Variants in HERC4 observed in about 807,000 individuals in gnomAD.
The protein encoded by HERC4 is probable E3 ubiquitin-protein ligase HERC4.
HERC4 carries 28 observed loss-of-function variants against 124.3 expected under a neutral mutation model. The observed-to-expected ratio is 0.23, with a 90% CI of 0.17 to 0.31. HERC4 has a LOEUF of 0.31. Ranked by LOEUF, HERC4 falls within the 10% of genes least tolerant of loss-of-function variation. The pLI, the probability that HERC4 is intolerant of heterozygous loss-of-function variation, is 1.00. For synonymous variants in HERC4, 407 were observed against 421.5 expected, an observed-to-expected ratio of 0.97 and a Z score of 0.42; for missense variants, 713 against 1,229.3, an observed-to-expected ratio of 0.58 and a Z score of 6.28.
intron 9 of HERC4, among the ~76,000 whole-genome samples, chr10:68,001,720 G>T (rs372337559): frequency 8.5e-5 from 13 of 152,092 alleles, no homozygotes; most frequent in African/African-American, 3.1e-4. Flanking sequence ...GAAACTCTCC[G>T]TACCCTCCTC....
At chr10:67,985,321 G>A (rs1305669579) in intron 15 of HERC4, among the ~76,000 whole-genome samples, 2 of 152,068 alleles carry the variant, frequency 1.3e-5, no homozygotes, top group Non-Finnish European at 2.9e-5. Flanking sequence ...GCACATAGTA[G>A]GCACTCTATT....
intron 3 of HERC4, among the ~76,000 whole-genome samples, chr10:68,044,955 C>G (rs1223727336): frequency 6.6e-6 from 1 of 152,082 alleles, no homozygotes; most frequent in Non-Finnish European, 1.5e-5. Flanking sequence ...ACCTGGGCTG[C>G]TTGATTTTAA....
At chr10:67,925,315 A>C (rs2030778368) in intron 23 of HERC4, 128 bp from the exon 24 acceptor site, 2 of 517,934 alleles carry the variant, frequency 3.9e-6, no homozygotes, top group South Asian at 7.2e-5. Flanking sequence ...TTTTCTGGAC[A>C]TTTACAATTT....
intron 19 of HERC4, among the ~76,000 whole-genome samples, chr10:67,949,808 A>G (rs960645827): frequency 1.3e-5 from 2 of 152,178 alleles, no homozygotes; most frequent in African/African-American, 2.4e-5. Flanking sequence ...ACTTGAGGTC[A>G]GTAGTTTGAG....
chr10:67,924,899 T>C (rs765076281), intron 24 of HERC4, among the ~76,000 whole-genome samples, 186 bp downstream of exon 24: 2 of 152,222 alleles, frequency 1.3e-5, no homozygotes, highest in Non-Finnish European at 2.9e-5. Context: ...TTTTACTTCA[T>C]AGAATGAATC....
At chr10:68,071,662 A>G (rs574278143) in intron 3 of HERC4, among the ~76,000 whole-genome samples, 18 of 152,310 alleles carry the variant, frequency 1.2e-4, no homozygotes, top group Middle Eastern at 6.8e-3. Context: ...GACCACCTCA[A>G]TGCCTGAGAT....
At chr10:67,965,021 C>G (rs2034773353) in intron 16 of HERC4, 1 of 152,396 alleles carries the variant, frequency 6.6e-6, no homozygotes, top group African/African-American at 2.4e-5. Flanking sequence ...ATCTGCCCAC[C>G]TCGGCCTCCC....
intron 15 of HERC4, among the ~76,000 whole-genome samples, chr10:67,982,908 G>A (rs1286680733): frequency 4.6e-5 from 7 of 151,764 alleles, no homozygotes; most frequent in African/African-American, 9.7e-5. Flanking sequence ...CGGGTGGATC[G>A]CCTGAGCTCA....
chr10:68,035,547 T>C (rs143714687), intron 5 of HERC4, among the ~76,000 whole-genome samples: 23 of 152,300 alleles, frequency 1.5e-4, no homozygotes, highest in African/African-American at 5.5e-4. Context: ...CATAGAGATA[T>C]TGTAAAAATG....
chr10:67,983,501 C>T (rs948655066), intron 15 of HERC4, among the ~76,000 whole-genome samples: 1 of 151,842 alleles, frequency 6.6e-6, no homozygotes, highest in Admixed American at 6.6e-5. Flanking sequence ...TGAATAAGGC[C>T]GGGTGCAGTG....
intron 7 of HERC4, among the ~76,000 whole-genome samples, chr10:68,029,375 C>T (rs2039072172): frequency 6.6e-6 from 1 of 151,818 alleles, no homozygotes. Context: ...GCCTGTAGTC[C>T]CAGGTACTCA....
At chr10:67,982,605 G>A (rs1016781067) in intron 15 of HERC4, among the ~76,000 whole-genome samples, 1 of 152,052 alleles carries the variant, frequency 6.6e-6, no homozygotes, top group African/African-American at 2.4e-5. Context: ...TGCAACCAAA[G>A]CAAAAGTGGA....
intron 21 of HERC4, among the ~76,000 whole-genome samples, chr10:67,937,681 CTT>C (rs538781630): frequency 1.3e-4 from 18 of 136,406 alleles, no homozygotes; most frequent in Admixed American, 3.7e-4. Context: ...TGGAGAGCAA[CTT>C]TTTTTTTTTT....
chr10:67,950,779 G>A (rs972828519), intron 19 of HERC4, among the ~76,000 whole-genome samples: 1 of 152,298 alleles, frequency 6.6e-6, no homozygotes, highest in Non-Finnish European at 1.5e-5. Context: ...GGATGCATGT[G>A]TGTATACACA....
intron 7 of HERC4, among the ~76,000 whole-genome samples, chr10:68,031,111 C>T (rs2039180301): frequency 6.6e-6 from 1 of 152,058 alleles, no homozygotes; most frequent in Admixed American, 6.6e-5. Flanking sequence ...AAATAATGTA[C>T]ACCCAAAATT....
intron 8 of HERC4, among the ~76,000 whole-genome samples, chr10:68,015,629 A>G (rs2038217279): frequency 6.6e-6 from 1 of 152,180 alleles, no homozygotes; most frequent in Non-Finnish European, 1.5e-5. Context: ...TTTTCAAGTT[A>G]GCTAGTCTGC....
chr10:68,001,112 C>A (rs186496595), intron 9 of HERC4, among the ~76,000 whole-genome samples: 1 of 152,056 alleles, frequency 6.6e-6, no homozygotes, highest in Admixed American at 6.6e-5. Context: ...GGCTCATATG[C>A]GTAATCCCAG....
rs2030396807 is a variant in HERC4, at chr10:67,923,052, T to C, written c.3029A>G (p.Tyr1010Cys). ...AAAACAAGTATGGGAAACTGGGAGA[T>C]ACTCCTCACCACCTCCTGTGGACTG... ...VIQSTGGGEE[Y>C]LPVSHTCFNL... is the part of the protein sequence containing the mutation. Residue 1010 changes from tyrosine (Y) to cysteine (C), a missense_variant, in exon 25 of 25, where the codon TAT becomes TGT. Physicochemically the swap from Tyr to Cys is radical, Grantham distance 194. Transcript: ENST00000373700. The C allele has an allele frequency of 6.2e-7, 1 of 1,613,826 alleles. No individual in the cohort carries two copies. The highest frequency in any genetic ancestry group is 8.5e-7 in the Non-Finnish European group (1 of 1,179,770).
At chr10:67,959,618 A>G (rs116003419) in intron 16 of HERC4, among the ~76,000 whole-genome samples, 2,510 of 152,286 alleles carry the variant, frequency 0.016, 74 homozygotes, top group African/African-American at 0.057. Flanking sequence ...TAAGCCATAA[A>G]TTGTTTTTAT....
Sources: gnomAD v4.1 joint callset for allele counts (sites outside exome capture counted in the v4.1 genomes callset) on GRCh38, gnomAD v4.1.1 for gene constraint, MANE v1.5 for transcripts, NCBI Gene and HGNC (gene_info 2026-07-23, HGNC 2026-07-21) for gene names.